Variants in CLMP observed in about 807,000 individuals in gnomAD.
CLMP encodes CXADR-like membrane protein.
In CLMP, 27 loss-of-function variants were observed where a neutral mutation model predicts 45.2. That is an observed-to-expected ratio of 0.60 (90% CI 0.44 to 0.82). The LOEUF is 0.82. CLMP is among the 40% of genes least tolerant of loss of function. The probability of loss-of-function intolerance (pLI) is 0.00; values close to 1 mark genes in which losing one functional copy is unlikely to be tolerated. For missense variants in CLMP, 403 were observed against 448.4 expected (o/e 0.90, Z 0.91); for synonymous variants, 167 against 171.4 (o/e 0.97, Z 0.20).
chr11:123,150,485 A>AAAGAAAGAAAGAAAGAAAGGAAGGAAGGT (rs1565397482), intron 1 of CLMP, among the ~76,000 whole-genome samples: 1 of 109,924 alleles, frequency 9.1e-6, no homozygotes. Context: ...GAAAGAAAGG[A>AAAGAAAGAAAGAAAGAAAGGAAGGAAGGT]AGGAAGGAAG....
Position 123,194,957 on chromosome 11 carries a change from G to C in CLMP, c.-17C>G. On this transcript the variant is annotated 5_prime_UTR_variant, in exon 1 of 7. Transcript: ENST00000448775. ...GAGGGACATCCCGATCCCCGGACGC[G>C]GGCGCTTCCCCGCTCAGCTGCTGCT... 1 of 1,611,558 alleles carries C rather than the reference G, an allele frequency of 6.2e-7. No homozygotes were observed. Among genetic ancestry groups the C allele is most frequent in the Non-Finnish European group, 8.5e-7 (1 of 1,178,850 alleles).
chr11:123,128,319 G>A (rs1368743505), intron 1 of CLMP, among the ~76,000 whole-genome samples: 1 of 151,876 alleles, frequency 6.6e-6, no homozygotes, highest in African/African-American at 2.4e-5. Flanking sequence ...ACTACAAGGC[G>A]GGCATGGTGG....
intron 1 of CLMP, among the ~76,000 whole-genome samples, chr11:123,106,455 C>A (rs1860558829): frequency 6.7e-6 from 1 of 149,430 alleles, no homozygotes; most frequent in Non-Finnish European, 1.5e-5. Flanking sequence ...GCCTGCCTTC[C>A]AGATTGTTTA....
chr11:123,107,697 A>G (rs1860580485), intron 1 of CLMP, among the ~76,000 whole-genome samples: 1 of 152,086 alleles, frequency 6.6e-6, no homozygotes, highest in African/African-American at 2.4e-5. Context: ...GAAAACCAGA[A>G]AACATACCAC....
chr11:123,111,423 GC>G (rs1478180556), intron 1 of CLMP, among the ~76,000 whole-genome samples: 1 of 152,134 alleles, frequency 6.6e-6, no homozygotes, highest in Non-Finnish European at 1.5e-5. Flanking sequence ...GAGCCACCAT[GC>G]CCGGCCATAG....
At chr11:123,169,834 G>A (rs1861605743) in intron 1 of CLMP, among the ~76,000 whole-genome samples, 1 of 152,136 alleles carries the variant, frequency 6.6e-6, no homozygotes, top group Non-Finnish European at 1.5e-5. Context: ...GCCGGTGTTG[G>A]GGGGTTTGTG....
intron 1 of CLMP, among the ~76,000 whole-genome samples, chr11:123,128,431 G>T (rs1181453485): frequency 6.6e-6 from 1 of 152,090 alleles, no homozygotes; most frequent in Non-Finnish European, 1.5e-5. Context: ...TAATTCCGAG[G>T]TGGGAGGATC....
At position 123,127,643 on chromosome 11, in the gene CLMP, TA is replaced by T. The variant is rs575047722; in HGVS notation, c.29-29692del. ...ATTACTCCAATCCCAACAACCCAGA[TA>T]AAGATATGACATACACACAAAAGAA... On this transcript the variant is annotated intron_variant, in intron 1 of 6. Transcript: ENST00000448775. Among the ~76,000 whole-genome samples, 5 of 152,194 alleles carry T rather than the reference TA, an allele frequency of 3.3e-5. No homozygotes were observed. In the East Asian group the frequency reaches 9.6e-4, roughly 29 times the overall value.
At chr11:123,182,857 C>T (rs1677640233) in intron 1 of CLMP, among the ~76,000 whole-genome samples, 1 of 152,202 alleles carries the variant, frequency 6.6e-6, no homozygotes, top group Non-Finnish European at 1.5e-5. Flanking sequence ...ACGCACCCTC[C>T]AGCCTTTCAT....
chr11:123,149,790 C>T (rs76139599), intron 1 of CLMP, among the ~76,000 whole-genome samples: 23 of 149,782 alleles, frequency 1.5e-4, no homozygotes, highest in African/African-American at 4.5e-4. Context: ...TTTCTTTCTT[C>T]CTTTCTTTCT....
At chr11:123,109,699 T>A (rs1860611743) in intron 1 of CLMP, among the ~76,000 whole-genome samples, 1 of 152,108 alleles carries the variant, frequency 6.6e-6, no homozygotes, top group Non-Finnish European at 1.5e-5. Context: ...GAGACACAAG[T>A]CCAGGGTGGG....
At chr11:123,120,482 A>G (rs1429776460) in intron 1 of CLMP, among the ~76,000 whole-genome samples, 2 of 152,110 alleles carry the variant, frequency 1.3e-5, no homozygotes, top group African/African-American at 4.8e-5. Context: ...CAAATACCAG[A>G]AAAATTATTT....
At chr11:123,131,880 T>C (rs1975891) in intron 1 of CLMP, among the ~76,000 whole-genome samples, 21,588 of 152,142 alleles carry the variant, frequency 0.14, 1,945 homozygotes, top group East Asian at 0.25. Context: ...CCTCCCAAAG[T>C]GCTGGGATTA....
intron 1 of CLMP, among the ~76,000 whole-genome samples, chr11:123,139,386 G>A (rs957733352): frequency 6.6e-5 from 10 of 152,220 alleles, no homozygotes; most frequent in South Asian, 4.2e-4. Flanking sequence ...AGGGGCCTGC[G>A]TTCTGCAGCT....
intron 1 of CLMP, among the ~76,000 whole-genome samples, chr11:123,179,054 G>A (rs1861734267): frequency 6.6e-6 from 1 of 152,168 alleles, no homozygotes; most frequent in South Asian, 2.1e-4. Flanking sequence ...CCAAAGTGCT[G>A]GGATTAGCAA....
chr11:123,161,393 A>G (rs991061020), intron 1 of CLMP, among the ~76,000 whole-genome samples: 3 of 151,982 alleles, frequency 2.0e-5, no homozygotes, highest in African/African-American at 7.3e-5. Context: ...GGGTTCGGGT[A>G]TGGTGGCTCA....
At chr11:123,140,188 T>C (rs1404098879) in intron 1 of CLMP, among the ~76,000 whole-genome samples, 1 of 152,138 alleles carries the variant, frequency 6.6e-6, no homozygotes, top group Non-Finnish European at 1.5e-5. Flanking sequence ...GCGGTGTTGA[T>C]GGGGTTGGCT....
chr11:123,073,579 C>T lies in CLMP; in HGVS notation c.1017G>A (p.Glu339=). The change falls in exon 7 of 7, where the codon GAG becomes GAA. Residue 339 remains glutamate (E), a synonymous_variant. Coordinates refer to ENST00000448775, the MANE Select transcript of CLMP (RefSeq NM_024769.5). ...CTTTCTTTGGTTCAGAACCTCTCAC[C>T]TCTGGCCCCACTAGGCTGTATGCCT... The part of the protein sequence containing the change: ...ATQAYSLVGP[E]VRGSEPKKVH... 6.2e-7 allele frequency: 1 copy of T among 1,614,246 alleles called. No homozygotes were observed. The highest frequency in any genetic ancestry group is 8.5e-7 in the Non-Finnish European group (1 of 1,180,044).
chr11:123,148,204 T>A (rs1861266369), intron 1 of CLMP, among the ~76,000 whole-genome samples: 1 of 152,172 alleles, frequency 6.6e-6, no homozygotes, highest in Non-Finnish European at 1.5e-5. Flanking sequence ...GTGTAGCTGT[T>A]ATGTTTAGGG....
Sources: gnomAD v4.1 joint callset for allele counts (sites outside exome capture counted in the v4.1 genomes callset) on GRCh38, gnomAD v4.1.1 for gene constraint, MANE v1.5 for transcripts, NCBI Gene and HGNC (gene_info 2026-07-23, HGNC 2026-07-21) for gene names.